The following CWC27 variants were observed in gnomAD, a reference collection of about 807,000 sequenced individuals.
The protein encoded by CWC27 is CWC27 spliceosome associated cyclophilin.
CWC27 carries 47 observed loss-of-function variants against 63.6 expected under a neutral mutation model. The observed-to-expected ratio is 0.74, with a 90% CI of 0.58 to 0.94. The LOEUF (loss-of-function observed/expected upper bound fraction) is 0.94. Among genes scored for constraint, CWC27 ranks in the 40% least tolerant of loss-of-function variants. The pLI, the probability that CWC27 is intolerant of heterozygous loss-of-function variation, is 0.00. For missense variants in CWC27, 495 were observed against 554.3 expected (o/e 0.89, Z 1.07); for synonymous variants, 175 against 179.8 (o/e 0.97, Z 0.22).
At chr5:64,934,643 G>C (rs1347693135) in intron 11 of CWC27, among the ~76,000 whole-genome samples, 1 of 152,124 alleles carries the variant, frequency 6.6e-6, no homozygotes, top group Non-Finnish European at 1.5e-5. Context: ...GGGTCAAATG[G>C]TATTTCTGGT....
At chr5:64,810,603 C>CT (rs1296000828) in intron 10 of CWC27, among the ~76,000 whole-genome samples, 1 of 151,922 alleles carries the variant, frequency 6.6e-6, no homozygotes, top group Non-Finnish European at 1.5e-5. Flanking sequence ...GCAGACAGAT[C>CT]TTTTAGCTTC....
At position 64,960,619 on chromosome 5, in the gene CWC27, A is replaced by G. The variant is rs183279960; in HGVS notation, c.1043-11084A>G. Among the ~76,000 whole-genome samples, 33 of 152,262 alleles carry G rather than the reference A, an allele frequency of 2.2e-4. No individual in the cohort carries two copies. The East Asian group carries it at 5.6e-3, about 26-fold the overall frequency. On this transcript the variant is annotated intron_variant, in intron 11 of 13. Transcript: ENST00000381070. ...CATTAGTAGCATTAACATTTTTTAT[A>G]TCCATCAAGTCTATTTTGTTAATCA...
At chr5:64,816,943 T>G (rs1251264511) in intron 10 of CWC27, among the ~76,000 whole-genome samples, 5 of 152,152 alleles carry the variant, frequency 3.3e-5, no homozygotes, top group Non-Finnish European at 7.4e-5. Flanking sequence ...TGTATTTCAT[T>G]AAGAAACAGA....
intron 11 of CWC27, among the ~76,000 whole-genome samples, chr5:64,969,658 A>G (rs1301288177): frequency 6.6e-6 from 1 of 152,192 alleles, no homozygotes; most frequent in Non-Finnish European, 1.5e-5. Context: ...ATGAAATGAA[A>G]TAAGAAAAAA....
chr5:64,934,668 G>A (rs1748308373), intron 11 of CWC27, among the ~76,000 whole-genome samples: 1 of 152,112 alleles, frequency 6.6e-6, no homozygotes, highest in African/African-American at 2.4e-5. Context: ...GATCCTTCAG[G>A]AATCACCACA....
At chr5:64,807,483 C>A in intron 10 of CWC27, 1 of 1,329,464 alleles carries the variant, frequency 7.5e-7, no homozygotes. Context: ...ATCCAAAACG[C>A]TTCCTAGTTT....
chr5:64,886,086 T>C (rs557799893), intron 11 of CWC27, among the ~76,000 whole-genome samples: 1 of 152,276 alleles, frequency 6.6e-6, no homozygotes, highest in East Asian at 1.9e-4. Flanking sequence ...TTTTTACTCT[T>C]ATGTTAAGAC....
intron 13 of CWC27, among the ~76,000 whole-genome samples, chr5:64,988,739 A>G (rs541225200): frequency 1.3e-5 from 2 of 151,392 alleles, no homozygotes; most frequent in South Asian, 4.2e-4. Context: ...GAGTAGCTGG[A>G]ATTATAGGCA....
chr5:65,011,543 A>G (rs1424271187), intron 13 of CWC27, among the ~76,000 whole-genome samples: 1 of 152,236 alleles, frequency 6.6e-6, no homozygotes, highest in Non-Finnish European at 1.5e-5. Flanking sequence ...TCTGGAGCAT[A>G]GATGTGATGG....
intron 11 of CWC27, among the ~76,000 whole-genome samples, chr5:64,934,707 A>G (rs1454184698): frequency 2.0e-5 from 3 of 152,194 alleles, no homozygotes; most frequent in African/African-American, 7.2e-5. Context: ...GAACTAATCT[A>G]CACTCCCACC....
chr5:64,808,467 C>A, intron 10 of CWC27: 1 of 474,800 alleles, frequency 2.1e-6, no homozygotes, highest in Non-Finnish European at 2.7e-6. Context: ...GTGATCATAT[C>A]CATTTACATT....
intron 10 of CWC27, among the ~76,000 whole-genome samples, chr5:64,815,992 A>G (rs911468768): frequency 1.3e-5 from 2 of 152,166 alleles, no homozygotes; most frequent in Middle Eastern, 3.2e-3. Context: ...AAAGAATTGC[A>G]TACAGTCTTT....
Position 64,800,292 on chromosome 5 carries a change from T to G in CWC27, c.714T>G (p.Asp238Glu). Residue 238 changes from aspartate to glutamate, a missense_variant, in exon 8 of 14, where the codon GAT (aspartate) becomes GAG (glutamate). Transcript: ENST00000381070. ...KSKSSHDLLK[D>E]DPHLSSVPVV... ...AAAGTAGTCATGACTTGCTTAAGGA[T>G]GATCCACATCTCAGTTCTGTTCCAG... 6.2e-7 allele frequency: 1 copy of G among 1,612,722 alleles called. No individual in the cohort carries two copies. Among genetic ancestry groups the G allele is most frequent in the Non-Finnish European group, 8.5e-7 (1 of 1,179,110 alleles).
intron 10 of CWC27, among the ~76,000 whole-genome samples, chr5:64,871,344 A>T (rs1746671150): frequency 6.6e-6 from 1 of 152,124 alleles, no homozygotes; most frequent in Non-Finnish European, 1.5e-5. Flanking sequence ...CTTGTGCATC[A>T]GTATTGAGAG....
chr5:64,889,767 C>T (rs973655987), intron 11 of CWC27, among the ~76,000 whole-genome samples: 3 of 152,114 alleles, frequency 2.0e-5, no homozygotes, highest in Non-Finnish European at 4.4e-5. Flanking sequence ...TAGATACCAG[C>T]AATGTCAAAA....
intron 8 of CWC27, among the ~76,000 whole-genome samples, chr5:64,800,572 A>G (rs1359693504): frequency 6.6e-6 from 1 of 152,238 alleles, no homozygotes. Context: ...TTGTTTTACC[A>G]TTACATGTTA....
Position 64,869,893 on chromosome 5 carries a change from G to A in CWC27, c.939-15550G>A, listed in dbSNP as rs1188804868. Reference sequence around the variant, plus strand: ...TTAAAGTAGGAGCTTTCTTGTTACAGTTGGAAAAATACAAAAACTTCCCTT... The same window carrying A: ...TTAAAGTAGGAGCTTTCTTGTTACAATTGGAAAAATACAAAAACTTCCCTT... On this transcript the variant is annotated intron_variant, in intron 10 of 13. Coordinates refer to ENST00000381070, the MANE Select transcript of CWC27 (RefSeq NM_005869.4). Among the ~76,000 whole-genome samples the A allele has an allele frequency of 5.9e-5, 9 of 151,912 alleles. 1 individual carries two copies. The highest frequency in any genetic ancestry group is 1.3e-4 in the Non-Finnish European group (9 of 67,958).
At chr5:64,878,997 G>A (rs1434603720) in intron 10 of CWC27, among the ~76,000 whole-genome samples, 1 of 151,860 alleles carries the variant, frequency 6.6e-6, no homozygotes. Flanking sequence ...TGGAAGAAAG[G>A]TCAGACTGGA....
intron 11 of CWC27, among the ~76,000 whole-genome samples, chr5:64,931,697 T>C (rs1231778852): frequency 1.3e-5 from 2 of 152,072 alleles, no homozygotes; most frequent in African/African-American, 4.8e-5. Context: ...GTACATGTTT[T>C]TAATCCTTTA....
Sources: allele counts gnomAD v4.1 joint callset (sites outside exome capture counted in the v4.1 genomes callset), GRCh38; gene constraint gnomAD v4.1.1; transcripts MANE v1.5; gene names NCBI Gene and HGNC (gene_info 2026-07-23, HGNC 2026-07-21).